Variants in DDX52 observed in about 807,000 individuals in gnomAD.
The protein encoded by DDX52 is probable ATP-dependent RNA helicase DDX52.
A neutral mutation model predicts 76.1 loss-of-function variants in DDX52; 59 were observed. The ratio of observed to expected loss-of-function variants is 0.78; its 90% confidence interval spans 0.63 to 0.96. DDX52 has a LOEUF of 0.96. Among genes scored for constraint, DDX52 ranks in the 40% least tolerant of loss-of-function variants. The pLI is 0.00. For missense variants in DDX52, 707 were observed against 703.9 expected, an observed-to-expected ratio of 1.00 and a Z score of -0.05; for synonymous variants, 231 against 244.1, an observed-to-expected ratio of 0.95 and a Z score of 0.50.
intron 2 of DDX52, among the ~76,000 whole-genome samples, chr17:37,638,225 A>C (rs1396765127): frequency 6.6e-6 from 1 of 152,242 alleles, no homozygotes; most frequent in African/African-American, 2.4e-5. Flanking sequence ...GCCAAAGAGT[A>C]GTATCTGCTT....
In DDX52 at chr17:37,624,370, G is replaced by T. The variant is rs763800644; in HGVS notation, c.1201C>A (p.Leu401Met). 5.6e-6 allele frequency: 9 copies of T among 1,608,772 alleles called. No individual in the cohort carries two copies. The South Asian group carries it at 8.9e-5, about 16-fold the overall frequency. Reference sequence around the variant, plus strand: ...TTTTTAACAAGTTCTCTCACGGCCAGAAGTTTTCCGGTCTCAGATCCAACA... The same window carrying T: ...TTTTTAACAAGTTCTCTCACGGCCATAAGTTTTCCGGTCTCAGATCCAACA... Reference protein sequence around the residue: ...LFVGSETGKLLAVRELVKKGF... With the variant: ...LFVGSETGKLMAVRELVKKGF... The change falls in exon 9 of 15, where the codon CTG becomes ATG. Residue 401 changes from leucine (L) to methionine (M), a missense_variant. By Grantham distance (15) the Leu-to-Met change is conservative. Transcript: ENST00000617633.
intron 14 of DDX52, among the ~76,000 whole-genome samples, chr17:37,615,288 A>G (rs1011009992): frequency 2.0e-5 from 3 of 152,234 alleles, no homozygotes; most frequent in African/African-American, 4.8e-5. Context: ...CATATGAAGA[A>G]AATGGAGACA....
rs747238171 is a variant in DDX52 at position 37,618,275 on chromosome 17, T to C, written c.1742+17A>G. On this transcript the variant is annotated intron_variant, in intron 14 of 14. Coordinates refer to ENST00000617633, the MANE Select transcript of DDX52 (RefSeq NM_007010.5). ...TATGATGGTGTCAAACAGCCATTTT[T>C]CTTACCACATACTTACTGTTTATCC... 6.3e-7 allele frequency: 1 copy of C among 1,576,696 alleles called. No individual in the cohort carries two copies. Among genetic ancestry groups the C allele is most frequent in the Admixed American group, 2.0e-5 (1 of 50,092 alleles).
intron 3 of DDX52, 27 bp downstream of exon 3, chr17:37,633,259 TAC>T: frequency 6.3e-7 from 1 of 1,583,670 alleles, no homozygotes. Flanking sequence ...AAAATATATA[TAC>T]TTTTGGCCCC....
At chr17:37,635,435 T>C (rs998324231) in intron 2 of DDX52, 4 of 336,592 alleles carry the variant, frequency 1.2e-5, no homozygotes, top group Non-Finnish European at 2.3e-5. Flanking sequence ...GTTTGCCTTT[T>C]CTGGAATTTT....
rs1376669309 is a variant in DDX52 at position 37,621,404 on chromosome 17, T to C, written c.1344A>G (p.Gln448=). Residue 448 remains glutamine (Q), a synonymous_variant, in exon 10 of 15, where the codon CAA becomes CAG. Coordinates refer to ENST00000617633, the MANE Select transcript of DDX52 (RefSeq NM_007010.5). ...NVDVIHAERT[Q]QQRDNTVHSF... is the part of the protein sequence containing the mutation. ...AGTATATATTTGACTTTACCTGTTG[T>C]TGTGTTCTCTCTGCATGAATAACAT... 3 of 1,612,012 alleles carry C rather than the reference T, an allele frequency of 1.9e-6. No individual in the cohort carries two copies. Among genetic ancestry groups the C allele is most frequent in the Admixed American group, 1.7e-5 (1 of 59,618 alleles).
At chr17:37,627,611 A>AT (rs139166043) in intron 6 of DDX52, among the ~76,000 whole-genome samples, 5 of 151,386 alleles carry the variant, frequency 3.3e-5, no homozygotes, top group African/African-American at 9.7e-5. Context: ...CAGGAAAATC[A>AT]TTTTTTTTAC....
At position 37,626,025 on chromosome 17, in the gene DDX52, C is replaced by G. The variant is rs200696375; in HGVS notation, c.1006G>C (p.Ala336Pro). ...DGKTGFRDQL[A>P]SIFLACTSHK... ...GATGTGCAGGCCAGGAAAATGGAAGCCAGCTGGTCTCTGAACCCAGTTTTG... is the reference window on the plus strand; with the variant it reads ...GATGTGCAGGCCAGGAAAATGGAAGGCAGCTGGTCTCTGAACCCAGTTTTG... The change falls in exon 8 of 15, where the codon GCT (alanine) becomes CCT (proline). Residue 336 changes from alanine (A) to proline (P), a missense_variant. By Grantham distance (27) the Ala-to-Pro change is conservative. Coordinates refer to ENST00000617633, the MANE Select transcript of DDX52 (RefSeq NM_007010.5). 4 of 1,614,090 alleles carry G rather than the reference C, an allele frequency of 2.5e-6. No individual in the cohort carries two copies. In the East Asian group the frequency reaches 6.7e-5, roughly 27 times the overall value.
chr17:37,632,142 G>C lies in DDX52; in HGVS notation c.574C>G (p.Gln192Glu). The part of the protein sequence containing the change: ...DAGFQMPTPI[Q>E]MQAIPVMLHG... The stretch of plus-strand genomic sequence containing the variant: ...AGCATAACTGGGATGGCTTGCATTT[G>C]GATTGGCGTAGGCATTTGGAAACCT... Residue 192 changes from glutamine to glutamate, a missense_variant, in exon 4 of 15, where the codon CAA becomes GAA. Gln to Glu is a conservative substitution (Grantham distance 29). Transcript: ENST00000617633. The C allele has an allele frequency of 1.2e-6, 2 of 1,613,212 alleles. No individual in the cohort carries two copies. Among genetic ancestry groups the C allele is most frequent in the Non-Finnish European group, 1.7e-6 (2 of 1,179,878 alleles).
At position 37,625,975 on chromosome 17, in the gene DDX52, G is replaced by T. The variant is rs199835531; in HGVS notation, c.1056C>A (p.Phe352Leu). ...CTSHKVRRAM[F>L]SATFAYDVEQ... ...CAACATCATATGCAAAAGTTGCACT[G>T]AACATAGCTCTTCGGACCTTGTGGG... The change falls in exon 8 of 15, where the codon TTC becomes TTA. Residue 352 changes from phenylalanine (F) to leucine (L), a missense_variant. By Grantham distance (22) the Phe-to-Leu change is conservative (BLOSUM62 0). Transcript: ENST00000617633. 1.2e-6 allele frequency: 2 copies of T among 1,614,176 alleles called. No homozygotes were observed. The highest frequency in any genetic ancestry group is 1.7e-6 in the Non-Finnish European group (2 of 1,180,034).
intron 2 of DDX52, among the ~76,000 whole-genome samples, chr17:37,636,500 A>T (rs2030933963): frequency 6.6e-6 from 1 of 152,172 alleles, no homozygotes; most frequent in Admixed American, 6.6e-5. Flanking sequence ...AAATTTCAAA[A>T]TTTTTTGCAC....
intron 9 of DDX52, among the ~76,000 whole-genome samples, chr17:37,622,140 A>G (rs1010449762): frequency 7.1e-6 from 1 of 140,342 alleles, no homozygotes; most frequent in Non-Finnish European, 1.5e-5. Context: ...ACTGAGTTGA[A>G]TCTCTACTAC....
At chr17:37,641,161 C>T (rs2031177665) in intron 2 of DDX52, among the ~76,000 whole-genome samples, 1 of 151,766 alleles carries the variant, frequency 6.6e-6, no homozygotes, top group South Asian at 2.1e-4. Flanking sequence ...GAGGCGGAGG[C>T]GGAGGCGGAG....
chr17:37,643,385 C>G lies in DDX52; in HGVS notation c.36G>C (p.Ala12=), dbSNP rs551926472. 11 of 1,614,010 alleles carry G rather than the reference C, an allele frequency of 6.8e-6. No individual in the cohort carries two copies. The East Asian group carries it at 2.0e-4, about 29-fold the overall frequency. ...AGCGTCTCGTGTCGAATTTGGCCCCCGCGCCGAGCCGGCGAAAGAGATCGT... is the reference window on the plus strand; with the variant it reads ...AGCGTCTCGTGTCGAATTTGGCCCCGGCGCCGAGCCGGCGAAAGAGATCGT... ...DVHDLFRRLG[A]GAKFDTRRFS... The change falls in exon 1 of 15, where the codon GCG becomes GCC. Residue 12 remains alanine, a synonymous_variant. Transcript: ENST00000617633.
rs558963909 is a variant in DDX52, at chr17:37,636,577, G to C, written c.287-3159C>G. 4.6e-5 allele frequency among the ~76,000 whole-genome samples: 7 copies of C among 152,234 alleles called. No individual in the cohort carries two copies. The South Asian group carries it at 1.5e-3, about 32-fold the overall frequency. ...AGATCTAGTCTGAGACACTAAGAAG[G>C]ATAAGACAGCAGTTTGAAAACAGCA... On this transcript the variant is annotated intron_variant, in intron 2 of 14. Transcript: ENST00000617633.
chr17:37,618,253 G>T, intron 14 of DDX52, 39 bp downstream of exon 14: 1 of 1,499,344 alleles, frequency 6.7e-7, no homozygotes, highest in Non-Finnish European at 9.1e-7. Flanking sequence ...ATAACTTTAT[G>T]ATGGTGTCAA....
At chr17:37,619,020 C>T (rs1364361880) in intron 13 of DDX52, among the ~76,000 whole-genome samples, 1 of 152,172 alleles carries the variant, frequency 6.6e-6, no homozygotes, top group East Asian at 1.9e-4. Flanking sequence ...GCTTTATGAA[C>T]TAAAATAATT....
chr17:37,637,023 G>A (rs2030961747), intron 2 of DDX52, among the ~76,000 whole-genome samples: 1 of 152,132 alleles, frequency 6.6e-6, no homozygotes, highest in Non-Finnish European at 1.5e-5. Context: ...AGAGTATACA[G>A]GCATGATCAC....
intron 7 of DDX52, 27 bp downstream of exon 7, chr17:37,626,761 C>A (rs373303220): frequency 1.3e-6 from 2 of 1,590,654 alleles, no homozygotes; most frequent in East Asian, 2.3e-5. Context: ...AAAATACACA[C>A]GAAAGACATG....
Sources: allele counts gnomAD v4.1 joint callset (sites outside exome capture counted in the v4.1 genomes callset), GRCh38; gene constraint gnomAD v4.1.1; transcripts MANE v1.5; gene names NCBI Gene and HGNC (gene_info 2026-07-23, HGNC 2026-07-21).